Variants in USP9X observed in about 807,000 individuals in gnomAD.
The protein encoded by USP9X is ubiquitin specific peptidase 9 X-linked.
In USP9X, 7 loss-of-function variants were observed where a neutral mutation model predicts 190.3. The observed-to-expected ratio is 0.04, with a 90% CI of 0.02 to 0.07. USP9X has a LOEUF of 0.07. Ranked by LOEUF, USP9X falls within the 10% of genes least tolerant of loss-of-function variation. USP9X has a pLI of 1.00. For synonymous variants in USP9X, 645 were observed against 659.5 expected, an observed-to-expected ratio of 0.98 and a Z score of 0.34; for missense variants, 1,010 against 1,916.9, an observed-to-expected ratio of 0.53 and a Z score of 8.83.
chrX:41,185,959 G>A (rs1413562653), intron 23 of USP9X, among the ~76,000 whole-genome samples: 2 of 110,914 alleles, frequency 1.8e-5, no homozygotes, highest in Admixed American at 9.6e-5. Context: ...TAGGAGGGGA[G>A]TTACAACTTG....
chrX:41,198,848 C>T (rs1279106886), intron 30 of USP9X, 98 bp downstream of exon 30: 9 of 783,311 alleles, frequency 1.1e-5, no homozygotes, highest in Non-Finnish European at 1.4e-5. Flanking sequence ...TTACGTATTT[C>T]TTTCAGTAAC....
At chrX:41,194,552 G>A (rs961378249) in intron 26 of USP9X, among the ~76,000 whole-genome samples, 9 of 110,945 alleles carry the variant, frequency 8.1e-5, no homozygotes, top group Non-Finnish European at 1.3e-4. Context: ...GAAACTCTGT[G>A]TCAATAAATA....
intron 38 of USP9X, among the ~76,000 whole-genome samples, chrX:41,220,761 C>T (rs1281979794): frequency 9.3e-6 from 1 of 107,904 alleles, no homozygotes; most frequent in Non-Finnish European, 1.9e-5. Flanking sequence ...CAAGACCAGC[C>T]TGGCAAACAT....
In USP9X at chrX:41,232,505, C is replaced by T. The variant is rs753874830; in HGVS notation, c.7646C>T (p.Pro2549Leu). 5.8e-6 allele frequency: 7 copies of T among 1,210,881 alleles called. No individual in the cohort carries two copies. The South Asian group carries it at 1.2e-4, about 21-fold the overall frequency. The change falls in exon 45 of 45, where the codon CCT (proline) becomes CTT (leucine). Residue 2549 changes from proline (P) to leucine (L), a missense_variant. Physicochemically the swap from Pro to Leu is moderately conservative, Grantham distance 98. Coordinates refer to ENST00000378308, the MANE Select transcript of USP9X (RefSeq NM_001039591.3). The stretch of plus-strand genomic sequence containing the variant: ...GAAGGCAGTGAAGAAGTATCCCCAC[C>T]TCAAACCAAGGATCAATGAAATGCA... The part of the protein sequence containing the change: ...NYEGSEEVSP[P>L]QTKDQ
chrX:41,113,174 T>G (rs1483907197), intron 1 of USP9X, among the ~76,000 whole-genome samples: 1 of 112,373 alleles, frequency 8.9e-6, no homozygotes, highest in East Asian at 2.8e-4. Context: ...TTCAAAAAGA[T>G]CTAAACTTGG....
Position 41,216,502 on chromosome X carries a change from C to T in USP9X, c.5935C>T (p.His1979Tyr). 8.3e-7 allele frequency: 1 copy of T among 1,211,504 alleles called. No individual in the cohort carries two copies. ...ISELAITTRP[H>Y]QIIMPSAIER... ...AGAGCTTGCTATCACCACCAGACCT[C>T]ATCAGATTATTATGCCATCAGCCAT... Residue 1979 changes from histidine to tyrosine, a missense_variant, in exon 35 of 45, where the codon CAT (histidine) becomes TAT (tyrosine). This residue lies in a region of USP9X where 31 missense variants were observed against 27.2 expected (regional missense o/e 1.14). Transcript: ENST00000378308.
Position 41,218,720 on chromosome X carries a change from A to G in USP9X, c.6435+123A>G. On this transcript the variant is annotated intron_variant, in intron 37 of 44. Coordinates refer to ENST00000378308, the MANE Select transcript of USP9X (RefSeq NM_001039591.3). Reference sequence around the variant, plus strand: ...TGTTTACCTAACAGAAACACACAATATGATGTCAGTGAGTTCCATTTAATA... The same window carrying G: ...TGTTTACCTAACAGAAACACACAATGTGATGTCAGTGAGTTCCATTTAATA... The G allele has an allele frequency of 9.6e-6, 6 of 624,089 alleles. No individual in the cohort carries two copies. In the South Asian group the frequency reaches 1.7e-4, roughly 18 times the overall value. 51.4% of individuals were successfully genotyped at this position (624,089 alleles called of 1,213,427 possible). A position where few individuals can be genotyped will look rare whatever the true frequency, so the allele number is the denominator to read the frequency against.
At chrX:41,088,303 C>G (rs1393547564) in intron 1 of USP9X, among the ~76,000 whole-genome samples, 3 of 111,843 alleles carry the variant, frequency 2.7e-5, no homozygotes, top group African/African-American at 9.8e-5. Flanking sequence ...TTTTTTCTTC[C>G]AGAGTCTTGT....
At chrX:41,109,691 T>G (rs777697684) in intron 1 of USP9X, among the ~76,000 whole-genome samples, 1 of 111,808 alleles carries the variant, frequency 8.9e-6, no homozygotes, top group Non-Finnish European at 1.9e-5. Context: ...TAACAAAGAT[T>G]AATTGGACAT....
chrX:41,160,049 A>G (rs1458491666), intron 14 of USP9X, among the ~76,000 whole-genome samples: 5 of 109,985 alleles, frequency 4.5e-5, no homozygotes, highest in Admixed American at 1.9e-4. Flanking sequence ...AATAAGTTCT[A>G]AAATGGGCCC....
chrX:41,201,671 A>G (rs186742294), intron 31 of USP9X, among the ~76,000 whole-genome samples: 148 of 112,878 alleles, frequency 1.3e-3, no homozygotes, highest in African/African-American at 4.5e-3. Flanking sequence ...TGGTTTGTAC[A>G]TTTCTAAAGC....
At chrX:41,210,475 A>G (rs1340631971) in intron 32 of USP9X, 34 bp from the exon 33 acceptor site, 1 of 1,186,492 alleles carries the variant, frequency 8.4e-7, no homozygotes, top group Non-Finnish European at 1.1e-6. Flanking sequence ...TGTGAATGTT[A>G]CATGTTACAT....
intron 1 of USP9X, among the ~76,000 whole-genome samples, chrX:41,112,379 G>A (rs760227826): frequency 6.2e-5 from 7 of 112,128 alleles, no homozygotes; most frequent in Non-Finnish European, 9.4e-5. Context: ...AGTTGGAAGA[G>A]CCAAGGGTTT....
At position 41,114,050 on chromosome X, in the gene USP9X, G is replaced by GT. The variant is rs1378650563; in HGVS notation, c.-158-9418dup. The stretch of plus-strand genomic sequence containing the variant: ...CCATCTCCTTTTGCTACTGCGATGA[G>GT]TTTGTTGTAAGTATCCGATGAAAAT... On this transcript the variant is annotated intron_variant, in intron 1 of 44. Transcript: ENST00000378308. 2.7e-5 allele frequency among the ~76,000 whole-genome samples: 3 copies of GT among 112,639 alleles called. No homozygotes were observed. The Admixed American group carries it at 2.8e-4, about 11-fold the overall frequency.
chrX:41,134,510 G>A (rs769759891), intron 4 of USP9X, among the ~76,000 whole-genome samples: 3 of 112,554 alleles, frequency 2.7e-5, no homozygotes, highest in Middle Eastern at 4.6e-3. Flanking sequence ...TTGTGGTGCT[G>A]CTGATCACCA....
rs756174068 is a variant in USP9X, at chrX:41,148,356, A to C, written c.1420-13A>C. 1.2e-5 allele frequency: 14 copies of C among 1,210,034 alleles called. No individual in the cohort carries two copies. The South Asian group carries it at 2.5e-4, about 21-fold the overall frequency. On this transcript the variant is annotated splice_polypyrimidine_tract_variant and intron_variant, in intron 11 of 44. Coordinates refer to ENST00000378308, the MANE Select transcript of USP9X (RefSeq NM_001039591.3). Reference sequence around the variant, plus strand: ...AATATGTGTTGTTTTCATGTCACTTAATTTTTTTCTAGGCCAGTTGGACAA... The same window carrying C: ...AATATGTGTTGTTTTCATGTCACTTCATTTTTTTCTAGGCCAGTTGGACAA...
intron 2 of USP9X, among the ~76,000 whole-genome samples, chrX:41,128,124 C>G (rs1365562461): frequency 8.9e-6 from 1 of 111,971 alleles, no homozygotes; most frequent in Non-Finnish European, 1.9e-5. Context: ...TAATCATGAA[C>G]TTCTAAATAA....
At chrX:41,094,259 C>G (rs990540169) in intron 1 of USP9X, among the ~76,000 whole-genome samples, 1 of 108,287 alleles carries the variant, frequency 9.2e-6, no homozygotes, top group African/African-American at 3.4e-5. Flanking sequence ...TCACTGCAAC[C>G]TCCGCCTCCT....
Position 41,232,783 on chromosome X carries a change from G to C in USP9X, c.*259G>C. The C allele has an allele frequency of 5.0e-6, 1 of 200,500 alleles. No individual in the cohort carries two copies. Among genetic ancestry groups the C allele is most frequent in the Non-Finnish European group, 9.2e-6 (1 of 108,223 alleles). 16.5% of individuals were successfully genotyped at this position (200,500 alleles called of 1,213,427 possible). On this transcript the variant is annotated 3_prime_UTR_variant, in exon 45 of 45. Coordinates refer to ENST00000378308, the MANE Select transcript of USP9X (RefSeq NM_001039591.3). Reference sequence around the variant, plus strand: ...AAGGTGTATATAGTATATTAATGTTGACTGTTAATTCTTAAGCAAGAAACT... The same window carrying C: ...AAGGTGTATATAGTATATTAATGTTCACTGTTAATTCTTAAGCAAGAAACT...
Sources: gnomAD v4.1 joint callset for allele counts (sites outside exome capture counted in the v4.1 genomes callset) on GRCh38, gnomAD v4.1.1 for gene constraint, gnomAD v4.1.1 regional missense constraint, MANE v1.5 for transcripts, NCBI Gene and HGNC (gene_info 2026-07-23, HGNC 2026-07-21) for gene names.